The following ZFHX3 variants were observed in gnomAD, a reference collection of about 807,000 sequenced individuals.
ZFHX3 encodes zinc finger homeobox protein 3.
In ZFHX3, 42 loss-of-function variants were observed where a neutral mutation model predicts 279.1. The observed-to-expected ratio is 0.15, with a 90% CI of 0.12 to 0.19. The LOEUF (loss-of-function observed/expected upper bound fraction) is 0.19, where lower values mean the gene tolerates loss of function less well. Among genes scored for constraint, ZFHX3 ranks in the 10% least tolerant of loss-of-function variants. The pLI, the probability that ZFHX3 is intolerant of heterozygous loss-of-function variation, is 1.00. For synonymous variants in ZFHX3, 2,293 were observed against 1,957.8 expected, an observed-to-expected ratio of 1.17 and a Z score of -4.52; for missense variants, 4,981 against 4,754.0, an observed-to-expected ratio of 1.05 and a Z score of -1.40.
chr16:73,707,347 A>G (rs897080363), intron 1 of ZFHX3, among the ~76,000 whole-genome samples: 2 of 152,160 alleles, frequency 1.3e-5, no homozygotes, highest in Non-Finnish European at 2.9e-5. Context: ...AAACATATCA[A>G]CATGGGTATA....
At chr16:73,326,063 A>G (rs1409577714) in intron 3 of ZFHX3, among the ~76,000 whole-genome samples, 3 of 152,114 alleles carry the variant, frequency 2.0e-5, no homozygotes, top group Admixed American at 2.0e-4. Context: ...TGGAGGTTTG[A>G]AGCCCAGGAA....
chr16:73,278,646 G>C (rs566553559), intron 4 of ZFHX3, among the ~76,000 whole-genome samples: 5 of 152,306 alleles, frequency 3.3e-5, no homozygotes, highest in South Asian at 4.1e-4. Flanking sequence ...TTCCGTTTTT[G>C]TCCTATCAGA....
chr16:72,998,301 T>C (rs921784119), intron 1 of ZFHX3, among the ~76,000 whole-genome samples: 2 of 152,064 alleles, frequency 1.3e-5, no homozygotes, highest in African/African-American at 2.4e-5. Flanking sequence ...CTCAGGAGGC[T>C]GAGGCACAAG....
chr16:73,321,709 C>A (rs1438533729), intron 3 of ZFHX3, among the ~76,000 whole-genome samples: 4 of 152,180 alleles, frequency 2.6e-5, no homozygotes, highest in Admixed American at 1.3e-4. Context: ...GCCTGCAGCT[C>A]AACTTGCCTT....
At chr16:73,082,700 G>T (rs1407035622) in intron 8 of ZFHX3, among the ~76,000 whole-genome samples, 2 of 152,200 alleles carry the variant, frequency 1.3e-5, no homozygotes, top group Admixed American at 1.3e-4. Flanking sequence ...TGCCTGGGCA[G>T]ATCTCAGCAG....
At chr16:73,726,759 A>G (rs1490498996) in intron 1 of ZFHX3, among the ~76,000 whole-genome samples, 1 of 152,150 alleles carries the variant, frequency 6.6e-6, no homozygotes, top group East Asian at 1.9e-4. Flanking sequence ...GAAATCACCC[A>G]CTATCATGAG....
intron 1 of ZFHX3, among the ~76,000 whole-genome samples, chr16:73,889,342 A>ATATGCTT (rs1249634909): frequency 1.3e-5 from 2 of 152,134 alleles, no homozygotes; most frequent in Non-Finnish European, 2.9e-5. Context: ...ATGGGACACG[A>ATATGCTT]TATGCTTTTC....
intron 2 of ZFHX3, among the ~76,000 whole-genome samples, chr16:73,617,653 GA>G (rs1464501072): frequency 6.6e-6 from 1 of 152,124 alleles, no homozygotes; most frequent in African/African-American, 2.4e-5. Context: ...CATTATTAGC[GA>G]AAGGTATTGT....
At chr16:73,647,464 A>C (rs1320710908) in intron 2 of ZFHX3, among the ~76,000 whole-genome samples, 1 of 152,068 alleles carries the variant, frequency 6.6e-6, no homozygotes, top group Non-Finnish European at 1.5e-5. Context: ...TGCGGCACTT[A>C]CCGCTTCACT....
chr16:73,858,426 C>T (rs998294911), intron 1 of ZFHX3, among the ~76,000 whole-genome samples: 8 of 152,122 alleles, frequency 5.3e-5, no homozygotes, highest in African/African-American at 7.2e-5. Flanking sequence ...AACAATGGCC[C>T]GAGCTGAGTT....
At chr16:73,485,438 A>AAAAAAAAAAAG (rs1567498393) in intron 2 of ZFHX3, among the ~76,000 whole-genome samples, 3 of 144,836 alleles carry the variant, frequency 2.1e-5, no homozygotes, top group African/African-American at 5.1e-5. Flanking sequence ...AAAAAAAAAA[A>AAAAAAAAAAAG]AAAAAAAAAC....
intron 3 of ZFHX3, among the ~76,000 whole-genome samples, chr16:73,381,104 A>G (rs1425104244): frequency 6.6e-6 from 1 of 152,198 alleles, no homozygotes; most frequent in Non-Finnish European, 1.5e-5. Context: ...TTCTCTCTCC[A>G]GACCCTGACT....
intron 4 of ZFHX3, among the ~76,000 whole-genome samples, chr16:73,290,424 G>T (rs139204289): frequency 2.0e-5 from 3 of 152,328 alleles, no homozygotes; most frequent in African/African-American, 7.2e-5. Flanking sequence ...AGAGGGAAGA[G>T]CCTGTGCAAA....
chr16:73,011,069 C>T (rs546444961), intron 1 of ZFHX3, among the ~76,000 whole-genome samples: 2 of 152,254 alleles, frequency 1.3e-5, no homozygotes, highest in African/African-American at 4.8e-5. Flanking sequence ...GCAACCTCGA[C>T]CTCCCGGGTT....
intron 1 of ZFHX3, among the ~76,000 whole-genome samples, chr16:73,783,096 G>T (rs960313942): frequency 6.6e-6 from 1 of 152,176 alleles, no homozygotes; most frequent in Non-Finnish European, 1.5e-5. Context: ...CCAGCTTCAT[G>T]TCTAAGGCAC....
intron 1 of ZFHX3, chr16:72,973,882 A>G (rs1200240476): frequency 6.6e-6 from 1 of 152,026 alleles, no homozygotes; most frequent in African/African-American, 2.4e-5. Context: ...CCAAAAAAAA[A>G]CTCTACTCGG....
At chr16:73,631,561 A>G (rs1423066032) in intron 2 of ZFHX3, among the ~76,000 whole-genome samples, 1 of 152,204 alleles carries the variant, frequency 6.6e-6, no homozygotes, top group Non-Finnish European at 1.5e-5. Context: ...GAAACAACAC[A>G]TTAATTTTTT....
chr16:72,975,356 T>C (rs1306228514), intron 1 of ZFHX3, among the ~76,000 whole-genome samples: 2 of 152,092 alleles, frequency 1.3e-5, no homozygotes, highest in African/African-American at 2.4e-5. Flanking sequence ...GGCAGCAGAA[T>C]CACTTGAACC....
At chr16:73,478,323 A>C (rs575878036) in intron 2 of ZFHX3, among the ~76,000 whole-genome samples, 8 of 151,926 alleles carry the variant, frequency 5.3e-5, no homozygotes, top group African/African-American at 1.9e-4. Flanking sequence ...GACATGCCTG[A>C]ACAGGGACTT....
Sources: allele counts gnomAD v4.1 joint callset (sites outside exome capture counted in the v4.1 genomes callset), GRCh38; gene constraint gnomAD v4.1.1; transcripts MANE v1.5; gene names NCBI Gene and HGNC (gene_info 2026-07-23, HGNC 2026-07-21).